USP16: variants seen among roughly 807,000 people sequenced by gnomAD.
USP16 encodes ubiquitin carboxyl-terminal hydrolase 16.
A neutral mutation model predicts 95.9 loss-of-function variants in USP16; 77 were observed. The observed-to-expected ratio is 0.80, with a 90% CI of 0.67 to 0.97. USP16 has a LOEUF of 0.97. Among genes scored for constraint, USP16 ranks in the 50% least tolerant of loss-of-function variants. USP16 has a pLI of 0.00. For synonymous variants in USP16, 303 were observed against 318.2 expected, an observed-to-expected ratio of 0.95 and a Z score of 0.51; for missense variants, 943 against 959.9, an observed-to-expected ratio of 0.98 and a Z score of 0.23.
In USP16 at chr21:29,030,730, A is replaced by C; in HGVS notation, c.197A>C (p.Glu66Ala). 1 of 1,613,350 alleles carries C rather than the reference A, an allele frequency of 6.2e-7. No individual in the cohort carries two copies. The highest frequency in any genetic ancestry group is 8.5e-7 in the Non-Finnish European group (1 of 1,179,806). Residue 66 changes from glutamate (E) to alanine (A), a missense_variant, in exon 3 of 18, where the codon GAA becomes GCA. Physicochemically the swap from Glu to Ala is moderately radical, Grantham distance 107 (BLOSUM62 -1). Transcript: ENST00000399976. ...KVKDKAEEET[E>A]EKPSVWLCLK... is the part of the protein sequence containing the mutation. ...AAAGATAAAGCTGAAGAAGAAACAG[A>C]AGAAAAGCCTTCAGTTTGGCTGTGT...
At position 29,046,967 on chromosome 21, in the gene USP16, C is replaced by T; in HGVS notation, c.1657C>T (p.Pro553Ser). ...TGATCTGGAGGTTTTAACATCTTCT[C>T]CCACTAGGAATTTAAATGGTGCCTA... ...DNDLEVLTSS[P>S]TRNLNGAYLT... The change falls in exon 14 of 18, where the codon CCC becomes TCC. Residue 553 changes from proline to serine, a missense_variant. Transcript: ENST00000399976. 6.2e-7 allele frequency: 1 copy of T among 1,614,060 alleles called. No individual in the cohort carries two copies. The highest frequency in any genetic ancestry group is 8.5e-7 in the Non-Finnish European group (1 of 1,180,012).
intron 2 of USP16, among the ~76,000 whole-genome samples, 174 bp from the exon 3 acceptor site, chr21:29,030,421 T>A (rs936654718): frequency 6.6e-6 from 1 of 152,236 alleles, no homozygotes; most frequent in South Asian, 2.1e-4. Context: ...AATCTCTTTC[T>A]CACATATTTA....
At chr21:29,028,967 ACT>A (rs1221437477) in intron 2 of USP16, among the ~76,000 whole-genome samples, 3 of 152,072 alleles carry the variant, frequency 2.0e-5, no homozygotes, top group Non-Finnish European at 4.4e-5. Context: ...CATTTTTAAG[ACT>A]CTTTTGATCC....
intron 2 of USP16, among the ~76,000 whole-genome samples, chr21:29,029,977 A>C (rs2085054027): frequency 6.6e-6 from 1 of 152,174 alleles, no homozygotes; most frequent in Admixed American, 6.5e-5. Context: ...CATAGGACAT[A>C]TTTAATTAAT....
In USP16 at chr21:29,054,152, C is replaced by A. The variant is rs774549500; in HGVS notation, c.2437C>A (p.Gln813Lys). The change falls in exon 18 of 18, where the codon CAA becomes AAA. Residue 813 changes from glutamine to lysine, a missense_variant. Gln to Lys is a moderately conservative substitution (Grantham distance 53). Transcript: ENST00000399976. ...AVPTTKVLNS[Q>K]AYLLFYERIL ...GCCTACAACTAAAGTACTAAACTCA[C>A]AAGCGTACCTCCTATTTTATGAGAG... The A allele has an allele frequency of 6.2e-7, 1 of 1,614,180 alleles. No homozygotes were observed. Among genetic ancestry groups the A allele is most frequent in the Admixed American group, 1.7e-5 (1 of 60,028 alleles).
intron 3 of USP16, among the ~76,000 whole-genome samples, chr21:29,033,839 G>C (rs2085112096): frequency 6.6e-6 from 1 of 152,194 alleles, no homozygotes; most frequent in Non-Finnish European, 1.5e-5. Context: ...TTCTCATCTG[G>C]GAGATAAGTA....
At chr21:29,050,661 A>G (rs1312276402) in intron 16 of USP16, among the ~76,000 whole-genome samples, 2 of 152,180 alleles carry the variant, frequency 1.3e-5, no homozygotes, top group Non-Finnish European at 2.9e-5. Context: ...CAGCAGTGTA[A>G]AATAGGATGG....
Position 29,039,115 on chromosome 21 carries a change from G to T in USP16, c.822G>T (p.Gly274=), listed in dbSNP as rs530971875. The T allele has an allele frequency of 6.3e-7, 1 of 1,582,546 alleles. No homozygotes were observed. Among genetic ancestry groups the T allele is most frequent in the Non-Finnish European group, 8.6e-7 (1 of 1,162,214 alleles). Residue 274 remains glycine, a synonymous_variant, in exon 8 of 18, where the codon GGG becomes GGT. Coordinates refer to ENST00000399976, the MANE Select transcript of USP16 (RefSeq NM_006447.3). ...ATGAGATGCAAGAGACCAAAAAGGG[G>T]GTTGTGACACCGAAAGAACTCTTTT... is the stretch of plus-strand genomic sequence containing the variant. ...FLNEMQETKK[G]VVTPKELFSQ... is the part of the protein sequence containing the mutation.
Position 29,038,319 on chromosome 21 carries a change from TC to T in USP16, c.637-15del, listed in dbSNP as rs777508584. 1.9e-6 allele frequency: 3 copies of T among 1,551,848 alleles called. No individual in the cohort carries two copies. The South Asian group carries it at 3.5e-5, about 18-fold the overall frequency. On this transcript the variant is annotated splice_polypyrimidine_tract_variant and intron_variant, in intron 6 of 17. Coordinates refer to ENST00000399976, the MANE Select transcript of USP16 (RefSeq NM_006447.3). ...TTTAAATAATTTTTCTCTTTTTTTT[TC>T]ACCCTACATTCTAGAACTTGTCACA...
chr21:29,038,575 A>G (rs1256242475), intron 7 of USP16, 145 bp downstream of exon 7: 2 of 660,688 alleles, frequency 3.0e-6, no homozygotes, highest in Admixed American at 2.8e-5. Flanking sequence ...TTTCAGGCTA[A>G]TAGAAGTTAT....
chr21:29,025,677 TTC>T, intron 1 of USP16: 3 of 927,122 alleles, frequency 3.2e-6, no homozygotes, highest in Non-Finnish European at 3.9e-6. Context: ...GACTTCTGAC[TTC>T]TCATTTTTCA....
intron 4 of USP16, among the ~76,000 whole-genome samples, chr21:29,035,708 G>T (rs915305254): frequency 6.6e-6 from 1 of 151,782 alleles, no homozygotes; most frequent in Non-Finnish European, 1.5e-5. Flanking sequence ...AATTGTAAAA[G>T]TTGTTACTTT....
At chr21:29,038,282 AG>A in intron 6 of USP16, 52 bp from the exon 7 acceptor site, 1 of 1,220,620 alleles carries the variant, frequency 8.2e-7, no homozygotes, top group South Asian at 1.3e-5. Flanking sequence ...GAAGTGTCAG[AG>A]TTGATTTGCC....
chr21:29,042,677 G>T, intron 12 of USP16, 149 bp downstream of exon 12: 1 of 614,888 alleles, frequency 1.6e-6, no homozygotes, highest in Non-Finnish European at 2.7e-6. Context: ...TTTAGGATTT[G>T]AATAAAGAAC....
chr21:29,030,286 A>C (rs2085058520), intron 2 of USP16, among the ~76,000 whole-genome samples: 1 of 152,304 alleles, frequency 6.6e-6, no homozygotes, highest in Admixed American at 6.5e-5. Flanking sequence ...AAAGAGAATC[A>C]TAAGTATGAT....
At chr21:29,050,020 G>A in intron 15 of USP16, 72 bp from the exon 16 acceptor site, 1 of 1,347,618 alleles carries the variant, frequency 7.4e-7, no homozygotes, top group East Asian at 2.3e-5. Flanking sequence ...GGACGTCGGA[G>A]GGGACTTCGG....
intron 3 of USP16, among the ~76,000 whole-genome samples, chr21:29,033,249 TG>T (rs1300564638): frequency 2.6e-5 from 4 of 152,246 alleles, no homozygotes; most frequent in Admixed American, 6.5e-5. Flanking sequence ...GATTCTTAAC[TG>T]TTGTCTCAAG....
rs181536872 is a variant in USP16, at chr21:29,047,214, A to G, written c.1904A>G (p.His635Arg). Residue 635 changes from histidine to arginine, a missense_variant, in exon 14 of 18, where the codon CAT (histidine) becomes CGT (arginine). By Grantham distance (29) the His-to-Arg change is conservative (BLOSUM62 0). Coordinates refer to ENST00000399976, the MANE Select transcript of USP16 (RefSeq NM_006447.3). ...AATACTGATGAGTGTTCAATCCAAC[A>G]TTGTTTATATCAGTTCACCCGTAAT... ...VFNTDECSIQHCLYQFTRNEK... is the reference protein window; with the variant it reads ...VFNTDECSIQRCLYQFTRNEK... 129 of 1,614,140 alleles carry G rather than the reference A, an allele frequency of 8.0e-5. No individual in the cohort carries two copies. In the East Asian group the frequency reaches 2.8e-3, roughly 35 times the overall value.
At position 29,042,014 on chromosome 21, in the gene USP16, T is replaced by C. The variant is rs199676270; in HGVS notation, c.1032T>C (p.Asp344=). The change falls in exon 11 of 18, where the codon GAT becomes GAC. Residue 344 remains aspartate, a splice_region_variant and synonymous_variant. Coordinates refer to ENST00000399976, the MANE Select transcript of USP16 (RefSeq NM_006447.3). ...LDEELKNKVK[D]YEKKKSMPSF... ...TGATAGACTTTTTTTTCTCCATAGATTATGAGAAGAAAAAATCAATGCCAA... is the reference window on the plus strand; with the variant it reads ...TGATAGACTTTTTTTTCTCCATAGACTATGAGAAGAAAAAATCAATGCCAA... 31 of 1,612,276 alleles carry C rather than the reference T, an allele frequency of 1.9e-5. No homozygotes were observed. Among genetic ancestry groups the C allele is most frequent in the Non-Finnish European group, 3.4e-6 (4 of 1,179,138 alleles).
Sources: gnomAD v4.1 joint callset for allele counts (sites outside exome capture counted in the v4.1 genomes callset) on GRCh38, gnomAD v4.1.1 for gene constraint, MANE v1.5 for transcripts, NCBI Gene and HGNC (gene_info 2026-07-23, HGNC 2026-07-21) for gene names.